SAMMSON: variants seen among roughly 807,000 people sequenced by gnomAD.
SAMMSON encodes long intergenic non-protein coding RNA 1212.
intron 4 of SAMMSON, among the ~76,000 whole-genome samples, chr3:70,158,473 T>C (rs527459738): frequency 6.6e-6 from 1 of 152,178 alleles, no homozygotes; most frequent in African/African-American, 2.4e-5. Context: ...ACATTTAGGA[T>C]GTTTCCAAGT....
chr3:70,171,936 A>G (rs1297570981), intron 4 of SAMMSON, among the ~76,000 whole-genome samples: 1 of 151,712 alleles, frequency 6.6e-6, no homozygotes, highest in Non-Finnish European at 1.5e-5. Context: ...TTTTAAGGCT[A>G]TAGTGGAGTG....
At position 70,197,256 on chromosome 3, in the gene SAMMSON, G is replaced by A. The variant is rs182869607; in HGVS notation, n.508-51851G>A. ...TCTATGAAGGACAGGCATGTGTGCT[G>A]GGATACTTGATAACTTGATAGCCAA... On this transcript the variant is annotated intron_variant and non_coding_transcript_variant, in intron 4 of 9. Transcript: ENST00000642114. 17 of 397,812 alleles carry A rather than the reference G, an allele frequency of 4.3e-5. No homozygotes were observed. In the East Asian group the frequency reaches 6.1e-4, roughly 14 times the overall value. 24.6% of individuals were successfully genotyped at this position (397,812 alleles called of 1,614,324 possible).
At chr3:70,391,865 A>G (rs1045155531), downstream of SAMMSON, among the ~76,000 whole-genome samples, 1 of 152,180 alleles carries the variant, frequency 6.6e-6, no homozygotes, top group Non-Finnish European at 1.5e-5. Context: ...TGAATTTTGT[A>G]TAAAATAAAG....
At chr3:70,369,358 AT>A (rs1702946579) in intron 9 of SAMMSON, among the ~76,000 whole-genome samples, 1 of 151,736 alleles carries the variant, frequency 6.6e-6, no homozygotes, top group Non-Finnish European at 1.5e-5. Flanking sequence ...ATATCAGAAA[AT>A]CAAAAAATTC....
chr3:70,280,325 A>G (rs143559081), intron 6 of SAMMSON, among the ~76,000 whole-genome samples: 2 of 152,290 alleles, frequency 1.3e-5, no homozygotes, highest in African/African-American at 4.8e-5. Flanking sequence ...AGTCACATCT[A>G]CGAAGACCCT....
intron 4 of SAMMSON, among the ~76,000 whole-genome samples, chr3:70,113,892 A>G (rs1031183172): frequency 2.6e-5 from 4 of 152,188 alleles, no homozygotes; most frequent in Non-Finnish European, 5.9e-5. Context: ...CACAGTGAGA[A>G]GGCAGCTGTC....
intron 3 of SAMMSON, among the ~76,000 whole-genome samples, chr3:70,045,062 A>G (rs1256448818): frequency 1.0e-5 from 1 of 98,856 alleles, no homozygotes; most frequent in Non-Finnish European, 1.9e-5. Flanking sequence ...ATTAATTATA[A>G]TATATATTAT....
chr3:70,317,592 G>GTATGTATATATATATGTATGTATA (rs1418189560), intron 7 of SAMMSON, among the ~76,000 whole-genome samples: 35 of 150,924 alleles, frequency 2.3e-4, no homozygotes, highest in Admixed American at 8.6e-4. Context: ...ATGTGTATCT[G>GTATGTATATATATATGTATGTATA]TATGTATATA....
At chr3:70,391,995 G>A (rs1701052782), downstream of SAMMSON, among the ~76,000 whole-genome samples, 1 of 152,078 alleles carries the variant, frequency 6.6e-6, no homozygotes, top group Admixed American at 6.6e-5. Context: ...CTGTTTTTAT[G>A]GTGAGACAAG....
At chr3:70,074,620 G>A (rs777765418) in intron 4 of SAMMSON, among the ~76,000 whole-genome samples, 11 of 151,978 alleles carry the variant, frequency 7.2e-5, no homozygotes, top group South Asian at 2.1e-4. Flanking sequence ...ATCAGTCTTC[G>A]TGAACACTTT....
At chr3:70,276,275 T>C (rs1702024939) in intron 6 of SAMMSON, among the ~76,000 whole-genome samples, 1 of 152,178 alleles carries the variant, frequency 6.6e-6, no homozygotes, top group Non-Finnish European at 1.5e-5. Context: ...GCATAAATAT[T>C]ATTCTTCCAA....
Position 70,425,373 on chromosome 3 carries a change from A to G in SAMMSON, n.234-37187A>G, listed in dbSNP as rs1195910832. ...ATCCTCTCTTAACCAGCAGACTGAC[A>G]ACCTATTTCAAGTTGTCTATTTTTT... is the stretch of plus-strand genomic sequence containing the variant. On this transcript the variant is annotated intron_variant and non_coding_transcript_variant, in intron 2 of 3. Coordinates refer to the SAMMSON transcript ENST00000641053. Among the ~76,000 whole-genome samples the G allele has an allele frequency of 2.0e-5, 3 of 151,990 alleles. No homozygotes were observed. In the East Asian group the frequency reaches 5.8e-4, roughly 29 times the overall value.
intron 7 of SAMMSON, among the ~76,000 whole-genome samples, chr3:70,332,575 GCA>G (rs1334327880): frequency 6.6e-6 from 1 of 152,042 alleles, no homozygotes; most frequent in East Asian, 1.9e-4. Context: ...GGGGCATTTA[GCA>G]CAGTGTCTGG....
intron 4 of SAMMSON, among the ~76,000 whole-genome samples, chr3:70,245,714 T>C (rs1000371897): frequency 2.0e-3 from 249 of 123,930 alleles, no homozygotes; most frequent in East Asian, 0.012. Context: ...TATATATATA[T>C]ACACATTCAA....
chr3:70,400,322 C>T (rs945927680), intron 2 of SAMMSON, among the ~76,000 whole-genome samples: 1 of 152,134 alleles, frequency 6.6e-6, no homozygotes, highest in African/African-American at 2.4e-5. Context: ...AGGTGGATCC[C>T]TCATGAACGG....
intron 4 of SAMMSON, among the ~76,000 whole-genome samples, chr3:70,234,911 A>G (rs926613730): frequency 6.6e-6 from 1 of 152,126 alleles, no homozygotes; most frequent in African/African-American, 2.4e-5. Context: ...GGACATCTTC[A>G]GCCTGAAGAA....
intron 4 of SAMMSON, among the ~76,000 whole-genome samples, chr3:70,190,837 A>G (rs1701126801): frequency 6.6e-6 from 1 of 152,056 alleles, no homozygotes; most frequent in African/African-American, 2.4e-5. Flanking sequence ...AGTTTTACAA[A>G]CTCACTTTAT....
intron 9 of SAMMSON, among the ~76,000 whole-genome samples, chr3:70,379,948 G>T (rs1703051735): frequency 6.6e-6 from 1 of 152,084 alleles, no homozygotes; most frequent in Admixed American, 6.6e-5. Context: ...TAAGGCAATG[G>T]AAGTAAAACA....
At chr3:70,232,565 A>AT (rs1701570611) in intron 4 of SAMMSON, among the ~76,000 whole-genome samples, 1 of 151,672 alleles carries the variant, frequency 6.6e-6, no homozygotes, top group Non-Finnish European at 1.5e-5. Flanking sequence ...ACGCCTGGCT[A>AT]TTTTTTGTAT....
Sources: allele counts gnomAD v4.1 joint callset (sites outside exome capture counted in the v4.1 genomes callset), GRCh38; gene constraint gnomAD v4.1.1; transcripts MANE v1.5; gene names NCBI Gene and HGNC (gene_info 2026-07-23, HGNC 2026-07-21).